Variants in RUFY1 observed in about 807,000 individuals in gnomAD.
RUFY1 encodes the protein RUN and FYVE domain containing 1.
Under a neutral mutation model 94.6 loss-of-function variants are expected in RUFY1, and 54 were observed. The observed-to-expected ratio is 0.57, with a 90% CI of 0.46 to 0.72. The LOEUF (loss-of-function observed/expected upper bound fraction) is 0.72, where lower values mean the gene tolerates loss of function less well. RUFY1 is among the 30% of genes least tolerant of loss of function. The pLI is 0.00. For synonymous variants in RUFY1, 396 were observed against 347.3 expected (o/e 1.14, Z -1.56); for missense variants, 883 against 883.9 (o/e 1.00, Z 0.01).
intron 6 of RUFY1, among the ~76,000 whole-genome samples, chr5:179,578,971 T>C (rs898265141): frequency 2.0e-5 from 3 of 152,224 alleles, no homozygotes; most frequent in African/African-American, 7.2e-5. Context: ...AAAAAGGATA[T>C]GCATACATAT....
At chr5:179,572,504 G>GAA (rs1346797559) in intron 5 of RUFY1, 1 of 204,584 alleles carries the variant, frequency 4.9e-6, no homozygotes, top group African/African-American at 2.4e-5. Flanking sequence ...ACTGTGTGCT[G>GAA]AAAACCAATG....
intron 4 of RUFY1, 90 bp from the exon 5 acceptor site, chr5:179,569,212 G>A: frequency 6.2e-7 from 1 of 1,600,432 alleles, no homozygotes; most frequent in Admixed American, 1.7e-5. Context: ...TGGCTCCAGG[G>A]CACAGGTGAA....
At chr5:179,584,767 CA>C (rs982101270) in intron 7 of RUFY1, among the ~76,000 whole-genome samples, 3 of 105,832 alleles carry the variant, frequency 2.8e-5, no homozygotes, top group African/African-American at 3.6e-5. Flanking sequence ...GTTTCAAAAA[CA>C]AAAAAAAACA....
Position 179,566,037 on chromosome 5 carries a change from G to A in RUFY1, c.603-1424G>A, listed in dbSNP as rs2127519990. ...TGCCTGCTGTCCCAGCTACTCCGGA[G>A]GCTTAACGCAGGGTTATCACTTGAG... On this transcript the variant is annotated intron_variant, in intron 3 of 17. Coordinates refer to ENST00000319449, the MANE Select transcript of RUFY1 (RefSeq NM_025158.5). Among the ~76,000 whole-genome samples, 4 of 152,056 alleles carry A rather than the reference G, an allele frequency of 2.6e-5. No homozygotes were observed. The Middle Eastern group carries it at 0.014, about 517-fold the overall frequency.
chr5:179,566,883 C>T (rs1561982369), intron 3 of RUFY1, among the ~76,000 whole-genome samples: 1 of 151,820 alleles, frequency 6.6e-6, no homozygotes, highest in Non-Finnish European at 1.5e-5. Flanking sequence ...TGGCAAAACC[C>T]TGTCTCTACT....
intron 5 of RUFY1, among the ~76,000 whole-genome samples, chr5:179,573,417 C>T (rs1383837594): frequency 6.6e-6 from 1 of 152,136 alleles, no homozygotes; most frequent in African/African-American, 2.4e-5. Flanking sequence ...TAATAGTATA[C>T]ATAAAGTATA....
intron 5 of RUFY1, among the ~76,000 whole-genome samples, chr5:179,570,887 C>G (rs1299129944): frequency 1.3e-5 from 2 of 152,038 alleles, no homozygotes; most frequent in Non-Finnish European, 2.9e-5. Flanking sequence ...ATTCTCATTA[C>G]TCTTAGACCG....
intron 7 of RUFY1, among the ~76,000 whole-genome samples, chr5:179,585,424 A>G (rs1764524762): frequency 6.6e-6 from 1 of 151,966 alleles, no homozygotes; most frequent in South Asian, 2.1e-4. Context: ...TAAAAATACA[A>G]AAAAATTAGC....
intron 2 of RUFY1, among the ~76,000 whole-genome samples, chr5:179,560,647 T>A (rs375322041): frequency 0.018 from 2,469 of 138,678 alleles, 35 homozygotes; most frequent in Non-Finnish European, 0.025. Flanking sequence ...AATGGCGTGA[T>A]CCCGGGAGGC....
intron 5 of RUFY1, among the ~76,000 whole-genome samples, chr5:179,573,511 T>C (rs1763378880): frequency 6.6e-6 from 1 of 152,048 alleles, no homozygotes; most frequent in African/African-American, 2.4e-5. Context: ...TGTTTTGTTG[T>C]TGTTGTCGTT....
Sources: allele counts gnomAD v4.1 joint callset (sites outside exome capture counted in the v4.1 genomes callset), GRCh38; gene constraint gnomAD v4.1.1; transcripts MANE v1.5; gene names NCBI Gene and HGNC (gene_info 2026-07-23, HGNC 2026-07-21).